The following BMAL2 variants were observed in gnomAD, a reference collection of about 807,000 sequenced individuals.
BMAL2 encodes basic helix-loop-helix ARNT-like protein 2.
At chr12:27,384,688 A>G in the BMAL2 span, among the ~76,000 whole-genome samples, 2 of 152,314 alleles carry the variant, frequency 1.3e-5, no homozygotes, top group East Asian at 3.9e-4. Flanking sequence ...TTTAACTTAT[A>G]AATCAGGCAT....
chr12:27,356,253 T>C, the BMAL2 span, among the ~76,000 whole-genome samples: 2 of 152,214 alleles, frequency 1.3e-5, no homozygotes, highest in Non-Finnish European at 2.9e-5. Flanking sequence ...GGAAGACTAA[T>C]TTCAGAACTG....
At chr12:27,352,401 C>G in the BMAL2 span, among the ~76,000 whole-genome samples, 1 of 152,132 alleles carries the variant, frequency 6.6e-6, no homozygotes, top group Non-Finnish European at 1.5e-5. Flanking sequence ...AACTAGGCAT[C>G]GAAGGAACAT....
At chr12:27,401,820 T>A in the BMAL2 span, 1 of 590,994 alleles carries the variant, frequency 1.7e-6, no homozygotes, top group Non-Finnish European at 2.8e-6. Flanking sequence ...GTAATTCATT[T>A]ACTGTTCATT....
chr12:27,411,600 C>T, the BMAL2 span, among the ~76,000 whole-genome samples: 1 of 152,086 alleles, frequency 6.6e-6, no homozygotes, highest in Non-Finnish European at 1.5e-5. Context: ...TTAGTGATAT[C>T]GACTGCCTTT....
At chr12:27,342,377 A>G in the BMAL2 span, among the ~76,000 whole-genome samples, 2 of 152,258 alleles carry the variant, frequency 1.3e-5, no homozygotes, top group Admixed American at 6.5e-5. Context: ...TATTGTGCCA[A>G]TAGAGTACTT....
At chr12:27,412,234 A>G in the BMAL2 span, among the ~76,000 whole-genome samples, 1 of 152,214 alleles carries the variant, frequency 6.6e-6, no homozygotes. Context: ...TTAAATGTTC[A>G]GCATAAAGTA....
At chr12:27,401,538 G>A in the BMAL2 span, 2 of 1,599,344 alleles carry the variant, frequency 1.3e-6, no homozygotes, top group Non-Finnish European at 1.7e-6. Context: ...ACAGAGTAAG[G>A]AGAAAATACT....
At chr12:27,411,958 A>G in the BMAL2 span, among the ~76,000 whole-genome samples, 3 of 152,258 alleles carry the variant, frequency 2.0e-5, no homozygotes, top group South Asian at 2.1e-4. Flanking sequence ...ATTTCGTCCT[A>G]AGAGTTTTAT....
At chr12:27,414,314 AAG>A in the BMAL2 span, among the ~76,000 whole-genome samples, 1 of 152,180 alleles carries the variant, frequency 6.6e-6, no homozygotes, top group Non-Finnish European at 1.5e-5. Flanking sequence ...GACTTGACTA[AAG>A]ACGTGAACAC....
chr12:27,376,974 C>G, the BMAL2 span, among the ~76,000 whole-genome samples: 1 of 133,056 alleles, frequency 7.5e-6, no homozygotes, highest in African/African-American at 2.9e-5. Context: ...GCACTCCAGC[C>G]TGGGCGACAG....
At chr12:27,353,670 G>A in the BMAL2 span, among the ~76,000 whole-genome samples, 2 of 151,872 alleles carry the variant, frequency 1.3e-5, no homozygotes, top group African/African-American at 4.8e-5. Flanking sequence ...TGAAAATGAT[G>A]CATCTAAAAA....
chr12:27,397,456 T>A, the BMAL2 span, among the ~76,000 whole-genome samples: 1 of 152,216 alleles, frequency 6.6e-6, no homozygotes, highest in Admixed American at 6.5e-5. Context: ...CCATGACATG[T>A]CAGTTACATT....
the BMAL2 span, among the ~76,000 whole-genome samples, chr12:27,346,880 GTCCTTCCTTGAGGGTAAACGAGTTCTC>G: frequency 6.6e-6 from 1 of 152,118 alleles, no homozygotes; most frequent in African/African-American, 2.4e-5. Context: ...ATAGGTTAAC[GTCCTTCCTTGAGGGTAAACGAGTTCTC>G]ACTCTAATTG....
the BMAL2 span, among the ~76,000 whole-genome samples, chr12:27,378,183 C>T: frequency 6.6e-6 from 1 of 152,148 alleles, no homozygotes; most frequent in Non-Finnish European, 1.5e-5. Flanking sequence ...TTCTCCTCTA[C>T]GTTTTATCTT....
At chr12:27,396,673 C>T in the BMAL2 span, among the ~76,000 whole-genome samples, 1 of 152,254 alleles carries the variant, frequency 6.6e-6, no homozygotes, top group Non-Finnish European at 1.5e-5. Flanking sequence ...CACACAGATG[C>T]TTGCACTCAG....
chr12:27,398,816 TAGTC>T, the BMAL2 span, among the ~76,000 whole-genome samples: 10 of 152,262 alleles, frequency 6.6e-5, no homozygotes, highest in African/African-American at 2.4e-4. Flanking sequence ...GGAATATTTT[TAGTC>T]AGTATCATTC....
the BMAL2 span, among the ~76,000 whole-genome samples, chr12:27,384,019 GT>G: frequency 6.6e-6 from 1 of 152,310 alleles, no homozygotes; most frequent in African/African-American, 2.4e-5. Context: ...GTCTAAGGAT[GT>G]TACCCCACCT....
the BMAL2 span, among the ~76,000 whole-genome samples, chr12:27,415,606 C>G: frequency 2.6e-4 from 39 of 152,082 alleles, no homozygotes; most frequent in African/African-American, 9.4e-4. Flanking sequence ...TTAACACATG[C>G]TATATTGACA....
At chr12:27,352,857 A>G in the BMAL2 span, among the ~76,000 whole-genome samples, 24 of 152,192 alleles carry the variant, frequency 1.6e-4, no homozygotes, top group African/African-American at 5.8e-4. Context: ...AATACCTAGG[A>G]ATACAGCTAA....
Sources: allele counts gnomAD v4.1 joint callset (sites outside exome capture counted in the v4.1 genomes callset), GRCh38; gene constraint gnomAD v4.1.1; transcripts MANE v1.5; gene names NCBI Gene and HGNC (gene_info 2026-07-23, HGNC 2026-07-21).